COL11A1: variants seen among roughly 807,000 people sequenced by gnomAD.
COL11A1 encodes the protein collagen type XI alpha 1 chain, also known as collagen alpha-1(XI) chain.
In COL11A1, 74 loss-of-function variants were observed where a neutral mutation model predicts 265.2. The ratio of observed to expected loss-of-function variants is 0.28; its 90% CI spans 0.23 to 0.34. The LOEUF (loss-of-function observed/expected upper bound fraction) is 0.34. Ranked by LOEUF, COL11A1 falls within the 10% of genes least tolerant of loss-of-function variation. The pLI, the probability that COL11A1 is intolerant of heterozygous loss-of-function variation, is 1.00. For synonymous variants in COL11A1, 816 were observed against 727.6 expected, an observed-to-expected ratio of 1.12 and a Z score of -1.96; for missense variants, 2,165 against 2,263.6, an observed-to-expected ratio of 0.96 and a Z score of 0.88.
At chr1:102,973,913 C>G (rs1662212246) in intron 36 of COL11A1, among the ~76,000 whole-genome samples, 1 of 152,092 alleles carries the variant, frequency 6.6e-6, no homozygotes, top group Non-Finnish European at 1.5e-5. Flanking sequence ...GACTTGTGTG[C>G]ACATTAAAGT....
intron 54 of COL11A1, 71 bp downstream of exon 54, chr1:102,912,088 C>A (rs1220295061): frequency 3.2e-6 from 4 of 1,263,552 alleles, no homozygotes; most frequent in African/African-American, 3.0e-5. Flanking sequence ...CTGCAGCTTA[C>A]ACACATTATA....
chr1:102,914,216 T>G, intron 52 of COL11A1, 136 bp downstream of exon 52: 1 of 741,190 alleles, frequency 1.3e-6, no homozygotes, highest in East Asian at 2.7e-5. Context: ...GCATTTGCAA[T>G]TACTTTTTAT....
At chr1:102,971,792 T>C (rs1025016457) in intron 36 of COL11A1, among the ~76,000 whole-genome samples, 3 of 152,126 alleles carry the variant, frequency 2.0e-5, no homozygotes, top group African/African-American at 7.2e-5. Flanking sequence ...AAATCCGTTA[T>C]GCTACTTCAC....
chr1:102,982,032 ATTTTGGATG>A (rs1557900754), intron 31 of COL11A1, among the ~76,000 whole-genome samples: 18 of 152,066 alleles, frequency 1.2e-4, no homozygotes, highest in African/African-American at 4.1e-4. Flanking sequence ...GCTATCTTTC[ATTTTGGATG>A]TCCCAGTTTT....
At chr1:102,945,278 C>CTCTT (rs1659147419) in intron 42 of COL11A1, among the ~76,000 whole-genome samples, 1 of 150,858 alleles carries the variant, frequency 6.6e-6, no homozygotes, top group South Asian at 2.1e-4. Flanking sequence ...CTCTCTCTCT[C>CTCTT]TCTCTCTCTA....
intron 12 of COL11A1, 34 bp downstream of exon 12, chr1:103,015,634 T>G: frequency 6.8e-7 from 1 of 1,468,232 alleles, no homozygotes; most frequent in Admixed American, 1.7e-5. Context: ...TGACAAGATA[T>G]CAAGTCATCT....
At chr1:102,893,446 G>C (rs1652012123) in intron 57 of COL11A1, among the ~76,000 whole-genome samples, 1 of 151,954 alleles carries the variant, frequency 6.6e-6, no homozygotes, top group African/African-American at 2.4e-5. Context: ...ATGATATCGA[G>C]AGCAGTTATA....
At chr1:103,047,466 T>A (rs1669386880) in intron 4 of COL11A1, among the ~76,000 whole-genome samples, 1 of 152,196 alleles carries the variant, frequency 6.6e-6, no homozygotes, top group African/African-American at 2.4e-5. Flanking sequence ...ATCCTGAGAC[T>A]TTGCTGAGGT....
chr1:102,931,500 G>T (rs948983025), intron 46 of COL11A1, among the ~76,000 whole-genome samples: 1 of 152,134 alleles, frequency 6.6e-6, no homozygotes. Context: ...GCTGAGGAGA[G>T]CTTTACTTCC....
intron 54 of COL11A1, among the ~76,000 whole-genome samples, chr1:102,908,732 A>G (rs12065978): frequency 1.0e-3 from 158 of 152,162 alleles, no homozygotes; most frequent in African/African-American, 3.8e-3. Context: ...TTGCCTATAT[A>G]TCTATATAAA....
intron 52 of COL11A1, 54 bp from the exon 53 acceptor site, chr1:102,913,744 C>G (rs569988242): frequency 6.7e-7 from 1 of 1,491,468 alleles, no homozygotes; most frequent in African/African-American, 1.4e-5. Context: ...CAATAAATCA[C>G]ACTACTTATC....
At chr1:102,905,013 T>C (rs12120613) in intron 54 of COL11A1, among the ~76,000 whole-genome samples, 13,443 of 151,706 alleles carry the variant, frequency 0.089, 690 homozygotes, top group Middle Eastern at 0.12. Flanking sequence ...GAAAATGTGG[T>C]ACATATACAC....
intron 53 of COL11A1, among the ~76,000 whole-genome samples, chr1:102,912,997 G>T (rs941921670): frequency 2.6e-5 from 4 of 152,146 alleles, no homozygotes; most frequent in Non-Finnish European, 5.9e-5. Flanking sequence ...AGCAGTATGA[G>T]AATGGACTAA....
chr1:103,063,303 T>C (rs1036982702), intron 4 of COL11A1, among the ~76,000 whole-genome samples: 2 of 152,092 alleles, frequency 1.3e-5, no homozygotes, highest in African/African-American at 4.8e-5. Context: ...TGACATTATC[T>C]GACTTTAAGA....
Position 102,899,220 on chromosome 1 carries a change from C to G in COL11A1, c.4087-226G>C, listed in dbSNP as rs374595621. Among the ~76,000 whole-genome samples, 5 of 152,090 alleles carry G rather than the reference C, an allele frequency of 3.3e-5. No individual in the cohort carries two copies. In the South Asian group the frequency reaches 1.0e-3, roughly 32 times the overall value. On this transcript the variant is annotated intron_variant, in intron 54 of 66. Coordinates refer to ENST00000370096, the MANE Select transcript of COL11A1 (RefSeq NM_001854.4). ...CAAATTAAGTATACAACAATCACTT[C>G]ACATCAATATAAGAAAGCAGTAAAA...
intron 4 of COL11A1, among the ~76,000 whole-genome samples, chr1:103,072,790 TA>T (rs1412814009): frequency 6.6e-6 from 1 of 151,750 alleles, no homozygotes; most frequent in African/African-American, 2.4e-5. Flanking sequence ...ATTTAGAAAG[TA>T]AGACCTGAAT....
intron 42 of COL11A1, 58 bp from the exon 43 acceptor site, chr1:102,940,492 T>C (rs770071670): frequency 9.0e-6 from 11 of 1,223,172 alleles, no homozygotes; most frequent in Non-Finnish European, 1.3e-5. Flanking sequence ...GCTACAAGAG[T>C]AATAATCTAG....
intron 4 of COL11A1, among the ~76,000 whole-genome samples, chr1:103,062,618 C>T (rs534032576): frequency 4.7e-4 from 71 of 152,092 alleles, no homozygotes; most frequent in African/African-American, 1.7e-3. Context: ...CAAAATACAG[C>T]ATTCATTCAT....
intron 54 of COL11A1, among the ~76,000 whole-genome samples, chr1:102,907,888 A>G (rs1409974291): frequency 2.0e-5 from 3 of 152,044 alleles, no homozygotes; most frequent in African/African-American, 7.2e-5. Context: ...CTTTTGGTGG[A>G]TATGTGCAAA....
Sources: gnomAD v4.1 joint callset for allele counts (sites outside exome capture counted in the v4.1 genomes callset) on GRCh38, gnomAD v4.1.1 for gene constraint, MANE v1.5 for transcripts, NCBI Gene and HGNC (gene_info 2026-07-23, HGNC 2026-07-21) for gene names.